The following WASHC2C variants were observed in gnomAD, a reference collection of about 807,000 sequenced individuals.
The protein encoded by WASHC2C is WASH complex subunit 2C.
In WASHC2C, 73 loss-of-function variants were observed where a neutral mutation model predicts 142.2. The ratio of observed to expected loss-of-function variants is 0.51; its 90% CI spans 0.43 to 0.62. The LOEUF (loss-of-function observed/expected upper bound fraction) is 0.62. WASHC2C is among the 20% of genes least tolerant of loss of function. The probability of loss-of-function intolerance (pLI) is 0.00; values close to 1 mark genes in which losing one functional copy is unlikely to be tolerated. For missense variants in WASHC2C, 969 were observed against 1,531.7 expected, an observed-to-expected ratio of 0.63 and a Z score of 6.13; for synonymous variants, 337 against 565.5, an observed-to-expected ratio of 0.60 and a Z score of 5.73.
At position 45,757,047 on chromosome 10, in the gene WASHC2C, G is replaced by A. The variant is rs539563029; in HGVS notation, c.1456G>A (p.Glu486Lys). The A allele has an allele frequency of 5.4e-5, 87 of 1,603,590 alleles. No individual in the cohort carries two copies. The highest frequency in any genetic ancestry group is 5.3e-4 in the African/African-American group (39 of 73,710). Reference protein sequence around the residue: ...VQSTADIFGDEEGDLFKEKAV... With the variant: ...VQSTADIFGDKEGDLFKEKAV... ...ATCCACTGCCGATATCTTTGGTGAC[G>A]AAGAAGGAGATCTGTTCAAAGAAAA... Residue 486 changes from glutamate to lysine, a missense_variant, in exon 16 of 31, where the codon GAA (glutamate) becomes AAA (lysine). Coordinates refer to ENST00000623400, the MANE Select transcript of WASHC2C (RefSeq NM_001330074.2).
chr10:45,767,513 T>A (rs1402153323), intron 19 of WASHC2C, among the ~76,000 whole-genome samples: 1 of 152,304 alleles, frequency 6.6e-6, no homozygotes, highest in Non-Finnish European at 1.5e-5. Flanking sequence ...TTGTTCCCCC[T>A]GTAGCAACAG....
chr10:45,787,406 C>A (rs1162309756), intron 28 of WASHC2C, among the ~76,000 whole-genome samples, 159 bp downstream of exon 28: 3 of 149,878 alleles, frequency 2.0e-5, no homozygotes, highest in South Asian at 2.2e-4. Context: ...ATTCTCCCCA[C>A]CCCCCTCATC....
chr10:45,782,449 A>G (rs1185381585), intron 23 of WASHC2C, among the ~76,000 whole-genome samples: 9 of 151,754 alleles, frequency 5.9e-5, no homozygotes. Flanking sequence ...AAAAAAAAAA[A>G]AAAGGGAAGT....
At chr10:45,736,813 G>A (rs181515860) in intron 3 of WASHC2C, among the ~76,000 whole-genome samples, 2,373 of 151,792 alleles carry the variant, frequency 0.016, 69 homozygotes, top group African/African-American at 0.053. Flanking sequence ...TAAAAATTGA[G>A]ATAGAATTCA....
chr10:45,790,539 T>C lies in WASHC2C; in HGVS notation c.3886+6T>C. 6.2e-7 allele frequency: 1 copy of C among 1,611,868 alleles called. No individual in the cohort carries two copies. The highest frequency in any genetic ancestry group is 8.5e-7 in the Non-Finnish European group (1 of 1,179,810). Reference sequence around the variant, plus strand: ...TATATTTGATGATGATATGGGTAAGTTTGGTTTTCTACATCTGACCTAGAG... The same window carrying C: ...TATATTTGATGATGATATGGGTAAGCTTGGTTTTCTACATCTGACCTAGAG... On this transcript the variant is annotated splice_donor_region_variant and intron_variant, in intron 30 of 30. Transcript: ENST00000623400.
chr10:45,744,552 T>G (rs2052567829), intron 6 of WASHC2C, among the ~76,000 whole-genome samples: 1 of 152,020 alleles, frequency 6.6e-6, no homozygotes, highest in South Asian at 2.1e-4. Flanking sequence ...TTTCTCAGCC[T>G]TTCTTTGCTT....
chr10:45,757,319 A>G (rs1389716205), intron 16 of WASHC2C, among the ~76,000 whole-genome samples, 180 bp downstream of exon 16: 48 of 148,648 alleles, frequency 3.2e-4, no homozygotes, highest in Non-Finnish European at 3.1e-4. Flanking sequence ...ATCAGTTCTT[A>G]GGGTTTTGGC....
chr10:45,792,442 T>G lies in WASHC2C; in HGVS notation c.*42T>G, dbSNP rs1194101807. 32 of 1,561,780 alleles carry G rather than the reference T, an allele frequency of 2.0e-5. 5 individuals carry two copies. Among genetic ancestry groups the G allele is most frequent in the Non-Finnish European group, 2.5e-5 (29 of 1,144,854 alleles). ...ACATGTTACCCTGCAGCTACATTGT[T>G]GAGTTAGTGATGATATTGTATATGC... On this transcript the variant is annotated 3_prime_UTR_variant, in exon 31 of 31. Transcript: ENST00000623400.
chr10:45,782,512 G>C (rs2057598189), intron 23 of WASHC2C, among the ~76,000 whole-genome samples: 1 of 149,806 alleles, frequency 6.7e-6, no homozygotes, highest in Non-Finnish European at 1.5e-5. Flanking sequence ...CCTTGCTGCT[G>C]CAAGTGTGGA....
chr10:45,727,549 G>A lies in WASHC2C; in HGVS notation c.126+10G>A, dbSNP rs766334148. 6.4e-7 allele frequency: 1 copy of A among 1,571,360 alleles called. No individual in the cohort carries two copies. Among genetic ancestry groups the A allele is most frequent in the Non-Finnish European group, 8.6e-7 (1 of 1,159,996 alleles). On this transcript the variant is annotated intron_variant, in intron 2 of 30. Coordinates refer to ENST00000623400, the MANE Select transcript of WASHC2C (RefSeq NM_001330074.2). ...GGCGGCCGACGCGGGCGTGAGAGGC[G>A]GGCCCCGGGGACGCGAGAGCGGCAG... is the stretch of plus-strand genomic sequence containing the variant.
At chr10:45,758,696 C>G (rs2054649083) in intron 16 of WASHC2C, among the ~76,000 whole-genome samples, 1 of 151,218 alleles carries the variant, frequency 6.6e-6, no homozygotes, top group African/African-American at 2.4e-5. Flanking sequence ...CAGCCTCAAC[C>G]TCCTGGGTTC....
intron 5 of WASHC2C, among the ~76,000 whole-genome samples, chr10:45,741,266 A>G (rs1554867783): frequency 6.6e-6 from 1 of 152,158 alleles, no homozygotes; most frequent in Non-Finnish European, 1.5e-5. Context: ...TCTTCTAGTC[A>G]TTCTGTAGCT....
At chr10:45,754,900 C>T (rs782074810) in intron 14 of WASHC2C, 36 bp from the exon 15 acceptor site, 18 of 1,611,470 alleles carry the variant, frequency 1.1e-5, no homozygotes, top group Non-Finnish European at 1.5e-5. Flanking sequence ...CCCACACTGG[C>T]TCACAGCTGT....
At chr10:45,775,662 A>G (rs2056998267) in intron 21 of WASHC2C, among the ~76,000 whole-genome samples, 1 of 150,424 alleles carries the variant, frequency 6.6e-6, no homozygotes, top group South Asian at 2.1e-4. Context: ...TGTCTCCCCT[A>G]TCAACTATTT....
rs1554882066 is a variant in WASHC2C at position 45,765,770 on chromosome 10, A to G, written c.1829A>G (p.Lys610Arg). 1.9e-6 allele frequency: 3 copies of G among 1,612,042 alleles called. No homozygotes were observed. The highest frequency in any genetic ancestry group is 2.5e-6 in the Non-Finnish European group (3 of 1,179,862). ...AAAGCAAAAGCCTCCGAGCTCTCCAAAAAGAAAGCATCTGCCCTGTTGTTC... is the reference window on the plus strand; with the variant it reads ...AAAGCAAAAGCCTCCGAGCTCTCCAGAAAGAAAGCATCTGCCCTGTTGTTC... ...EEKAKASELS[K>R]KKASALLFSS... is the part of the protein sequence containing the mutation. Residue 610 changes from lysine to arginine, a missense_variant, in exon 19 of 31, where the codon AAA becomes AGA. Transcript: ENST00000623400.
intron 26 of WASHC2C, chr10:45,786,262 G>C (rs2058034537): frequency 2.4e-6 from 1 of 411,440 alleles, no homozygotes; most frequent in Non-Finnish European, 4.5e-6. Flanking sequence ...GGCTATGGTT[G>C]AATTTTTGTG....
In WASHC2C at chr10:45,758,693, A is replaced by T. The variant is rs544967612; in HGVS notation, c.1549-622A>T. Among the ~76,000 whole-genome samples the T allele has an allele frequency of 1.7e-3, 251 of 149,556 alleles. 1 individual carries two copies. The highest frequency in any genetic ancestry group is 7.1e-3 in the East Asian group (36 of 5,046). ...TACAATCACAGCTCACTGCAGCCTC[A>T]ACCTCCTGGGTTCAAGCGATTCTCC... On this transcript the variant is annotated intron_variant, in intron 16 of 30. Transcript: ENST00000623400.
rs2056763056 is a variant in WASHC2C, at chr10:45,773,248, T to C, written c.2040-8T>C. 1 of 751,200 alleles carries C rather than the reference T, an allele frequency of 1.3e-6. No individual in the cohort carries two copies. The highest frequency in any genetic ancestry group is 3.0e-5 in the Admixed American group (1 of 32,850). The allele number at this position is 751,200 out of a possible 1,614,324, so 46.5% of individuals were successfully genotyped here. A position where few individuals can be genotyped will look rare whatever the true frequency, so the allele number is the denominator to read the frequency against. On this transcript the variant is annotated splice_region_variant and splice_polypyrimidine_tract_variant and intron_variant, in intron 20 of 30. Coordinates refer to ENST00000623400, the MANE Select transcript of WASHC2C (RefSeq NM_001330074.2). ...TTCCTTAATTTGACCTTTTGTTTGT[T>C]TGTGTAGCCAAAAGAAGACCCAGAG... is the stretch of plus-strand genomic sequence containing the variant.
intron 15 of WASHC2C, among the ~76,000 whole-genome samples, chr10:45,755,607 C>T (rs1208912866): frequency 1.3e-5 from 2 of 152,294 alleles, no homozygotes; most frequent in African/African-American, 2.4e-5. Context: ...AATGTAAGTC[C>T]TATGTCCTGA....
Sources: allele counts gnomAD v4.1 joint callset (sites outside exome capture counted in the v4.1 genomes callset), GRCh38; gene constraint gnomAD v4.1.1; transcripts MANE v1.5; gene names NCBI Gene and HGNC (gene_info 2026-07-23, HGNC 2026-07-21).